PTPRD: variants seen among roughly 807,000 people sequenced by gnomAD.
PTPRD encodes protein tyrosine phosphatase receptor type D, also known as receptor-type tyrosine-protein phosphatase delta.
In PTPRD, 34 loss-of-function variants were observed where a neutral mutation model predicts 214.5. That is an observed-to-expected ratio of 0.16 (90% CI 0.12 to 0.21). The LOEUF (loss-of-function observed/expected upper bound fraction) is 0.21. Among genes scored for constraint, PTPRD ranks in the 10% least tolerant of loss-of-function variants. The pLI, the probability that PTPRD is intolerant of heterozygous loss-of-function variation, is 1.00. For missense variants in PTPRD, 2,545 were observed against 2,398.7 expected (o/e 1.06, Z -1.27); for synonymous variants, 1,128 against 845.7 (o/e 1.33, Z -5.79).
At chr9:9,369,044 G>A (rs1189688565) in intron 9 of PTPRD, among the ~76,000 whole-genome samples, 1 of 152,024 alleles carries the variant, frequency 6.6e-6, no homozygotes, top group East Asian at 1.9e-4. Flanking sequence ...AGTTTGCTGA[G>A]AATGATGGTT....
At chr9:8,782,573 C>G (rs2095762835) in intron 11 of PTPRD, among the ~76,000 whole-genome samples, 1 of 149,450 alleles carries the variant, frequency 6.7e-6, no homozygotes, top group South Asian at 2.1e-4. Flanking sequence ...CTGAGACACT[C>G]ATGAAAACAG....
rs34252968 is a variant in PTPRD, at chr9:8,790,768, GA to G, written c.-103-56823del. On this transcript the variant is annotated intron_variant, in intron 11 of 45. Coordinates refer to ENST00000381196, the MANE Select transcript of PTPRD (RefSeq NM_002839.4). ...ATATTTGCTTAGTATGTAGGGAAAG[GA>G]AAAAAAAAAGGGGGTAGTGACAAAA... 4.1e-3 allele frequency among the ~76,000 whole-genome samples: 603 copies of G among 146,246 alleles called. 9 individuals are homozygous for G. In the East Asian group the frequency reaches 0.052, roughly 13 times the overall value.
intron 7 of PTPRD, among the ~76,000 whole-genome samples, chr9:9,684,000 G>A (rs568500074): frequency 6.6e-6 from 1 of 151,440 alleles, no homozygotes; most frequent in Admixed American, 6.6e-5. Context: ...GACAGTGAGG[G>A]CTTCTTTGTA....
At chr9:10,138,685 T>C (rs1192887250) in intron 3 of PTPRD, among the ~76,000 whole-genome samples, 2 of 152,046 alleles carry the variant, frequency 1.3e-5, no homozygotes, top group Non-Finnish European at 2.9e-5. Context: ...CAGCAGCACA[T>C]CAAAAAGTTA....
At chr9:9,772,853 A>C (rs183779713) in intron 5 of PTPRD, among the ~76,000 whole-genome samples, 2 of 152,262 alleles carry the variant, frequency 1.3e-5, no homozygotes, top group South Asian at 2.1e-4. Context: ...CCTTTTACTC[A>C]GTTATTTCAC....
chr9:9,551,348 C>G (rs2080181186), intron 8 of PTPRD, among the ~76,000 whole-genome samples: 1 of 151,896 alleles, frequency 6.6e-6, no homozygotes, highest in Non-Finnish European at 1.5e-5. Flanking sequence ...TCTAATTATT[C>G]CCTAAAGGTG....
intron 5 of PTPRD, among the ~76,000 whole-genome samples, chr9:9,842,670 GTT>G (rs71485305): frequency 7.2e-6 from 1 of 138,006 alleles, no homozygotes. Flanking sequence ...TAAAAAAGTT[GTT>G]TTTTTTTTTT....
At chr9:8,423,821 T>G (rs2094503441) in intron 35 of PTPRD, among the ~76,000 whole-genome samples, 1 of 149,156 alleles carries the variant, frequency 6.7e-6, no homozygotes, top group Non-Finnish European at 1.5e-5. Flanking sequence ...AACCATCTGC[T>G]TTTTTTTTCC....
intron 2 of PTPRD, among the ~76,000 whole-genome samples, chr9:10,541,529 C>A (rs2059105133): frequency 6.6e-6 from 1 of 151,692 alleles, no homozygotes; most frequent in Non-Finnish European, 1.5e-5. Flanking sequence ...CGATTCTTAT[C>A]TCCTTATATA....
At chr9:8,666,308 C>G (rs570269129) in intron 12 of PTPRD, among the ~76,000 whole-genome samples, 1 of 152,008 alleles carries the variant, frequency 6.6e-6, no homozygotes, top group Non-Finnish European at 1.5e-5. Context: ...AGTCAACATT[C>G]AATGCAGGAT....
intron 11 of PTPRD, among the ~76,000 whole-genome samples, chr9:8,823,005 T>C (rs1600936222): frequency 6.6e-6 from 1 of 152,304 alleles, no homozygotes; most frequent in East Asian, 1.9e-4. Context: ...CTTCCAATGC[T>C]TTCCCATCTA....
intron 9 of PTPRD, among the ~76,000 whole-genome samples, chr9:9,391,632 T>G (rs965507967): frequency 3.9e-5 from 6 of 152,202 alleles, no homozygotes; most frequent in Non-Finnish European, 7.3e-5. Flanking sequence ...CAAATTATTT[T>G]GTTGGTGCAA....
At chr9:10,510,279 T>C (rs1262355603) in intron 2 of PTPRD, among the ~76,000 whole-genome samples, 2 of 152,222 alleles carry the variant, frequency 1.3e-5, no homozygotes, top group Non-Finnish European at 2.9e-5. Flanking sequence ...CTGCACTCCA[T>C]GTACCCCCTC....
intron 8 of PTPRD, among the ~76,000 whole-genome samples, chr9:9,433,078 G>A (rs1262542570): frequency 6.6e-6 from 1 of 152,108 alleles, no homozygotes; most frequent in Non-Finnish European, 1.5e-5. Context: ...ACAAAAGATA[G>A]GACAAGGTAG....
intron 12 of PTPRD, among the ~76,000 whole-genome samples, chr9:8,708,506 T>C (rs1371344607): frequency 6.6e-6 from 1 of 151,146 alleles, no homozygotes; most frequent in Non-Finnish European, 1.5e-5. Flanking sequence ...AAACCCCGTC[T>C]CTACCAAAAA....
At chr9:8,777,341 G>C (rs2095526872) in intron 11 of PTPRD, among the ~76,000 whole-genome samples, 1 of 151,480 alleles carries the variant, frequency 6.6e-6, no homozygotes. Context: ...TAATACATTT[G>C]TCTTTTATAT....
rs1176394314 is a variant in PTPRD, at chr9:9,580,547, C to CTTTTTTTTTTTTTTTTTT, written c.-286-5784_-286-5767dup. Among the ~76,000 whole-genome samples the CTTTTTTTTTTTTTTTTTT allele has an allele frequency of 2.4e-5, 3 of 123,072 alleles. 1 individual carries two copies. The highest frequency in any genetic ancestry group is 6.2e-5 in the African/African-American group (2 of 32,180). The allele number at this position is 123,072 out of a possible 152,430, so 80.7% of individuals were successfully genotyped here. A position where few individuals can be genotyped will look rare whatever the true frequency, so the allele number is the denominator to read the frequency against. ...TCATGTCCTTAGCTTACTTTATTTT[C>CTTTTTTTTTTTTTTTTTT]TTTTTTTTTTTTTTTTTTTGAGACA... is the stretch of plus-strand genomic sequence containing the variant. On this transcript the variant is annotated intron_variant, in intron 7 of 45. Transcript: ENST00000381196.
chr9:10,538,262 A>G (rs1048254935), intron 2 of PTPRD, among the ~76,000 whole-genome samples: 2 of 143,644 alleles, frequency 1.4e-5, no homozygotes, highest in African/African-American at 5.5e-5. Context: ...AAATAAATAA[A>G]TAAATAAATA....
intron 12 of PTPRD, among the ~76,000 whole-genome samples, chr9:8,710,989 C>T (rs1384893562): frequency 6.6e-6 from 1 of 152,008 alleles, no homozygotes; most frequent in East Asian, 1.9e-4. Context: ...AATTTAAACT[C>T]CATGTGTTCT....
Sources: allele counts gnomAD v4.1 joint callset (sites outside exome capture counted in the v4.1 genomes callset), GRCh38; gene constraint gnomAD v4.1.1; transcripts MANE v1.5; gene names NCBI Gene and HGNC (gene_info 2026-07-23, HGNC 2026-07-21).